ZNF143: variants seen among roughly 807,000 people sequenced by gnomAD.
ZNF143 encodes zinc finger protein 143, also known as SPH-binding factor.
A neutral mutation model predicts 74.1 loss-of-function variants in ZNF143; 49 were observed. The ratio of observed to expected loss-of-function variants is 0.66; its 90% confidence interval spans 0.53 to 0.84. The LOEUF (loss-of-function observed/expected upper bound fraction) is 0.84, where lower values mean the gene tolerates loss of function less well. Among genes scored for constraint, ZNF143 ranks in the 40% least tolerant of loss-of-function variants. The probability of loss-of-function intolerance (pLI) is 0.00; values close to 1 mark genes in which losing one functional copy is unlikely to be tolerated. For missense variants in ZNF143, 637 were observed against 793.4 expected, an observed-to-expected ratio of 0.80 and a Z score of 2.37; for synonymous variants, 304 against 282.8, an observed-to-expected ratio of 1.07 and a Z score of -0.75.
At chr11:9,482,276 C>CT (rs1211978029) in intron 7 of ZNF143, among the ~76,000 whole-genome samples, 317 of 93,304 alleles carry the variant, frequency 3.4e-3, no homozygotes, top group East Asian at 0.033. Flanking sequence ...GGCCCCAACT[C>CT]TTTTTTTTTT....
rs539179340 is a variant in ZNF143, at chr11:9,523,458, G to T, written c.1687-1782G>T. On this transcript the variant is annotated intron_variant, in intron 14 of 15. Transcript: ENST00000396602. Reference sequence around the variant, plus strand: ...AGGGGTCTTAAGGATTTGAGGCCGGGCGCGGTGGCTCACGCCTGTAATCCC... The same window carrying T: ...AGGGGTCTTAAGGATTTGAGGCCGGTCGCGGTGGCTCACGCCTGTAATCCC... Among the ~76,000 whole-genome samples, 188 of 152,352 alleles carry T rather than the reference G, an allele frequency of 1.2e-3. 4 individuals are homozygous for T. Among genetic ancestry groups the T allele is most frequent in the Non-Finnish European group, 1.2e-4 (8 of 68,040 alleles).
chr11:9,512,708 GA>G, intron 13 of ZNF143, 112 bp downstream of exon 13: 1 of 1,350,974 alleles, frequency 7.4e-7, no homozygotes, highest in Non-Finnish European at 1.0e-6. Context: ...ACAAAGTTTG[GA>G]AACCCTGAGG....
chr11:9,487,578 C>T (rs113054850), intron 7 of ZNF143, among the ~76,000 whole-genome samples: 5 of 151,772 alleles, frequency 3.3e-5, no homozygotes, highest in Admixed American at 6.6e-5. Context: ...AGGATGGTCT[C>T]GATCTCCTGA....
At position 9,512,583 on chromosome 11, in the gene ZNF143, A is replaced by T. The variant is rs1344016890; in HGVS notation, c.1511A>T (p.Asp504Val). The change falls in exon 13 of 16, where the codon GAT becomes GTT. Residue 504 changes from aspartate (D) to valine (V), a missense_variant. Transcript: ENST00000396602. ...CAACAAGTTACACTCATATCCCAGG[A>T]TGGGACTCAGCATGTAAGTATCCAC... ...LSQQVTLISQ[D>V]GTQHVNISQA... 2 of 1,614,222 alleles carry T rather than the reference A, an allele frequency of 1.2e-6. No homozygotes were observed. Among genetic ancestry groups the T allele is most frequent in the Non-Finnish European group, 1.7e-6 (2 of 1,180,038 alleles).
chr11:9,479,469 T>C lies in ZNF143; in HGVS notation c.571-3T>C. On this transcript the variant is annotated splice_region_variant and splice_polypyrimidine_tract_variant and intron_variant, in intron 6 of 15. Coordinates refer to ENST00000396602, the MANE Select transcript of ZNF143 (RefSeq NM_003442.6). ...ATTTTAAAGCTTTATTTTATTCCTATAGGTGTCCATTGATGGAAGTGAAAG... is the reference window on the plus strand; with the variant it reads ...ATTTTAAAGCTTTATTTTATTCCTACAGGTGTCCATTGATGGAAGTGAAAG... The C allele has an allele frequency of 6.2e-7, 1 of 1,610,960 alleles. No homozygotes were observed. Among genetic ancestry groups the C allele is most frequent in the East Asian group, 2.2e-5 (1 of 44,776 alleles).
intron 10 of ZNF143, among the ~76,000 whole-genome samples, chr11:9,499,148 A>G (rs1016468025): frequency 6.6e-6 from 1 of 152,238 alleles, no homozygotes; most frequent in African/African-American, 2.4e-5. Context: ...ACATGTTCAT[A>G]TAACAGCTTT....
intron 8 of ZNF143, among the ~76,000 whole-genome samples, 153 bp from the exon 9 acceptor site, chr11:9,496,150 T>C (rs1216308862): frequency 1.3e-5 from 2 of 152,226 alleles, no homozygotes; most frequent in Non-Finnish European, 2.9e-5. Context: ...TTGAGAACTA[T>C]TGGGCTATCG....
At chr11:9,492,087 C>G (rs891900837) in intron 7 of ZNF143, among the ~76,000 whole-genome samples, 1 of 149,900 alleles carries the variant, frequency 6.7e-6, no homozygotes, top group Non-Finnish European at 1.5e-5. Flanking sequence ...TACAGGCATT[C>G]GCCACCACAC....
At chr11:9,462,856 CAA>C (rs1262564806) in intron 1 of ZNF143, among the ~76,000 whole-genome samples, 2 of 152,052 alleles carry the variant, frequency 1.3e-5, no homozygotes, top group Non-Finnish European at 2.9e-5. Context: ...GTCTGGGCAA[CAA>C]GAGCGAAACT....
chr11:9,526,706 T>TA (rs1261335275), intron 15 of ZNF143, among the ~76,000 whole-genome samples: 3 of 151,936 alleles, frequency 2.0e-5, no homozygotes, highest in Admixed American at 1.3e-4. Flanking sequence ...CCTCCCAAAG[T>TA]GCTACGATTA....
rs772288371 is a variant in ZNF143 at position 9,486,346 on chromosome 11, TATATATTATATATATATTATATATA to T, written c.645+6817_645+6841del. On this transcript the variant is annotated intron_variant, in intron 7 of 15. Transcript: ENST00000396602. ...GGTCCTAGGCGCTAATTATATTATA[TATATATTATATATATATTATATATA>T]ATATATTATATATATAATATATATA... Among the ~76,000 whole-genome samples the T allele has an allele frequency of 2.7e-3, 154 of 56,158 alleles. 3 individuals carry two copies. Among genetic ancestry groups the T allele is most frequent in the African/African-American group, 5.7e-3 (81 of 14,202 alleles). The allele number at this position is 56,158 out of a possible 152,430, so 36.8% of individuals were successfully genotyped here. A position where few individuals can be genotyped will look rare whatever the true frequency, so the allele number is the denominator to read the frequency against.
intron 8 of ZNF143, among the ~76,000 whole-genome samples, chr11:9,495,650 G>A (rs1847932884): frequency 6.6e-6 from 1 of 152,146 alleles, no homozygotes. Context: ...TGACCTCTTA[G>A]TACCTCATTT....
At chr11:9,520,346 T>TA (rs1415160985) in intron 14 of ZNF143, among the ~76,000 whole-genome samples, 9 of 148,896 alleles carry the variant, frequency 6.0e-5, no homozygotes, top group Non-Finnish European at 1.2e-4. Context: ...TTTTTTTTTT[T>TA]AATTAGCAAA....
intron 11 of ZNF143, among the ~76,000 whole-genome samples, chr11:9,505,798 G>A (rs1589925953): frequency 6.7e-6 from 1 of 149,430 alleles, no homozygotes; most frequent in South Asian, 2.1e-4. Flanking sequence ...AGAGTTGCTT[G>A]AACCTGGGAG....
chr11:9,509,625 A>G (rs1300921696), intron 12 of ZNF143, among the ~76,000 whole-genome samples: 1 of 152,232 alleles, frequency 6.6e-6, no homozygotes, highest in Non-Finnish European at 1.5e-5. Context: ...TTTTAACAAC[A>G]TATATTGAAG....
intron 14 of ZNF143, among the ~76,000 whole-genome samples, chr11:9,519,714 T>C (rs1565068051): frequency 6.6e-6 from 1 of 152,188 alleles, no homozygotes; most frequent in African/African-American, 2.4e-5. Flanking sequence ...AGACATATAC[T>C]CTCATTTGTC....
In ZNF143 at chr11:9,509,351, A is replaced by G. The variant is rs188476683; in HGVS notation, c.1375+505A>G. On this transcript the variant is annotated intron_variant, in intron 12 of 15. Transcript: ENST00000396602. ...ATGTTGGTCTTAATCGTAACACTAG[A>G]GAAGTACTCCCAAATAACTCTTCAT... Among the ~76,000 whole-genome samples the G allele has an allele frequency of 2.6e-3, 393 of 152,320 alleles. 1 individual carries two copies. Among genetic ancestry groups the G allele is most frequent in the African/African-American group, 9.1e-3 (379 of 41,576 alleles).
chr11:9,489,471 T>G (rs528627271), intron 7 of ZNF143, among the ~76,000 whole-genome samples: 57 of 152,246 alleles, frequency 3.7e-4, no homozygotes, highest in Non-Finnish European at 6.6e-4. Flanking sequence ...ACAAGTACAT[T>G]TTTGGAAAAA....
At chr11:9,461,405 C>T (rs1030342870) in intron 1 of ZNF143, among the ~76,000 whole-genome samples, 2 of 152,150 alleles carry the variant, frequency 1.3e-5, no homozygotes. Flanking sequence ...AGGGTGGAGC[C>T]CTCGGGAGCC....
Sources: gnomAD v4.1 joint callset for allele counts (sites outside exome capture counted in the v4.1 genomes callset) on GRCh38, gnomAD v4.1.1 for gene constraint, MANE v1.5 for transcripts, NCBI Gene and HGNC (gene_info 2026-07-23, HGNC 2026-07-21) for gene names.